Variants in CPNE5 observed in about 807,000 individuals in gnomAD.
The protein encoded by CPNE5 is copine-5.
In CPNE5, 42 loss-of-function variants were observed where a neutral mutation model predicts 81.1. The observed-to-expected ratio is 0.52, with a 90% CI of 0.40 to 0.67. The LOEUF (loss-of-function observed/expected upper bound fraction) is 0.67. Among genes scored for constraint, CPNE5 ranks in the 30% least tolerant of loss-of-function variants. The pLI is 0.00. For synonymous variants in CPNE5, 313 were observed against 321.5 expected, an observed-to-expected ratio of 0.97 and a Z score of 0.28; for missense variants, 612 against 815.5, an observed-to-expected ratio of 0.75 and a Z score of 3.04.
At chr6:36,763,602 C>CAAAAAAAAAAAAAAAAAAAAAAAA (rs55880019) in intron 11 of CPNE5, among the ~76,000 whole-genome samples, 1 of 123,148 alleles carries the variant, frequency 8.1e-6, no homozygotes, top group Admixed American at 8.3e-5. Flanking sequence ...GACTCTATCT[C>CAAAAAAAAAAAAAAAAAAAAAAAA]AAAAAAAAAA....
At chr6:36,759,877 C>T (rs1354859559) in intron 12 of CPNE5, among the ~76,000 whole-genome samples, 1 of 151,990 alleles carries the variant, frequency 6.6e-6, no homozygotes, top group East Asian at 1.9e-4. Flanking sequence ...GGGGCCAGCT[C>T]CTAGGGGCCT....
At chr6:36,779,350 T>C (rs537733038) in intron 8 of CPNE5, among the ~76,000 whole-genome samples, 1 of 152,350 alleles carries the variant, frequency 6.6e-6, no homozygotes, top group Admixed American at 6.5e-5. Context: ...TGGCAACCCC[T>C]TGATGGATGT....
At chr6:36,809,585 A>C (rs1470306192) in intron 3 of CPNE5, among the ~76,000 whole-genome samples, 1 of 152,184 alleles carries the variant, frequency 6.6e-6, no homozygotes, top group Non-Finnish European at 1.5e-5. Flanking sequence ...CAAAAACAAA[A>C]AAACAAACAA....
chr6:36,774,214 C>T (rs1334797075), intron 10 of CPNE5, among the ~76,000 whole-genome samples: 3 of 151,974 alleles, frequency 2.0e-5, no homozygotes, highest in Non-Finnish European at 4.4e-5. Flanking sequence ...CGAAACCAGT[C>T]TCTACAAAAA....
At chr6:36,800,521 A>G (rs1770011374) in intron 3 of CPNE5, among the ~76,000 whole-genome samples, 1 of 152,192 alleles carries the variant, frequency 6.6e-6, no homozygotes, top group South Asian at 2.1e-4. Context: ...TGATTCCACA[A>G]TTAGGTGTGT....
At chr6:36,815,384 T>C (rs966931518) in intron 3 of CPNE5, among the ~76,000 whole-genome samples, 11 of 152,198 alleles carry the variant, frequency 7.2e-5, no homozygotes, top group African/African-American at 2.4e-4. Flanking sequence ...GAAATTCACG[T>C]TGAAATTCTT....
At chr6:36,744,732 G>T (rs2150355596) in intron 18 of CPNE5, among the ~76,000 whole-genome samples, 1 of 152,338 alleles carries the variant, frequency 6.6e-6, no homozygotes, top group African/African-American at 2.4e-5. Context: ...GTTAATGAGG[G>T]AGTCATTGGG....
intron 1 of CPNE5, among the ~76,000 whole-genome samples, chr6:36,838,008 T>C (rs68042914): frequency 0.13 from 20,059 of 152,022 alleles, 1,558 homozygotes; most frequent in African/African-American, 0.2. Context: ...ACCTGGGAGC[T>C]ATCACAGGAG....
intron 9 of CPNE5, among the ~76,000 whole-genome samples, chr6:36,777,789 CACACA>C: frequency 7.2e-6 from 1 of 138,042 alleles, no homozygotes. Context: ...CACACACACA[CACACA>C]CACACACAAT....
chr6:36,831,047 T>G (rs1772944340), intron 1 of CPNE5, among the ~76,000 whole-genome samples: 1 of 152,016 alleles, frequency 6.6e-6, no homozygotes, highest in African/African-American at 2.4e-5. Context: ...TCTTTTTATT[T>G]TATTTATTTT....
At chr6:36,795,649 A>G (rs1020904532) in intron 6 of CPNE5, among the ~76,000 whole-genome samples, 2 of 152,236 alleles carry the variant, frequency 1.3e-5, no homozygotes, top group Non-Finnish European at 2.9e-5. Flanking sequence ...TCCTCAGAAG[A>G]CATGAACTCT....
In CPNE5 at chr6:36,798,194, G is replaced by C. The variant is rs1486437099; in HGVS notation, c.375C>G (p.Ser125=). 6.2e-7 allele frequency: 1 copy of C among 1,613,896 alleles called. No homozygotes were observed. Residue 125 remains serine (S), a synonymous_variant, in exon 6 of 21, where the codon TCC becomes TCG. Transcript: ENST00000244751. ...AFCTLGEIVG[S]PGSRLEKPLT... is the part of the protein sequence containing the mutation. ...GGGGCTTTTCCAGGCGGCTCCCAGG[G>C]GACCCCACAATCTCTCCAAGGGTGC...
chr6:36,754,903 C>T (rs1765258769), intron 13 of CPNE5: 1 of 152,178 alleles, frequency 6.6e-6, no homozygotes, highest in South Asian at 2.1e-4. Flanking sequence ...GGGTGCTAAA[C>T]ATCCTGTGAG....
At chr6:36,748,357 C>T (rs1188485450) in intron 14 of CPNE5, 90 bp from the exon 15 acceptor site, 1 of 1,171,272 alleles carries the variant, frequency 8.5e-7, no homozygotes, top group Non-Finnish European at 1.3e-6. Flanking sequence ...ACCACCCTGG[C>T]TCTGCTGCTT....
chr6:36,835,650 G>T (rs745914051), intron 1 of CPNE5, among the ~76,000 whole-genome samples: 4 of 152,102 alleles, frequency 2.6e-5, no homozygotes, highest in Non-Finnish European at 5.9e-5. Context: ...ACAAAAATTA[G>T]CCCTGTGTGG....
At chr6:36,799,066 C>T (rs1769865715) in intron 4 of CPNE5, among the ~76,000 whole-genome samples, 2 of 152,174 alleles carry the variant, frequency 1.3e-5, no homozygotes, top group African/African-American at 4.8e-5. Context: ...CTCCCCTCAC[C>T]TGGGGCCTGC....
At chr6:36,794,521 C>CT in intron 7 of CPNE5, 69 bp downstream of exon 7, 1 of 1,449,294 alleles carries the variant, frequency 6.9e-7, no homozygotes, top group South Asian at 1.2e-5. Flanking sequence ...GGCCCAGACT[C>CT]TGAGGCCCCC....
chr6:36,754,998 C>T (rs1384965421), intron 13 of CPNE5: 1 of 152,170 alleles, frequency 6.6e-6, no homozygotes, highest in Non-Finnish European at 1.5e-5. Flanking sequence ...GACTCCAAGC[C>T]CCAGTCTGTG....
chr6:36,752,934 G>A, intron 14 of CPNE5, 100 bp downstream of exon 14: 1 of 941,342 alleles, frequency 1.1e-6, no homozygotes, highest in Non-Finnish European at 1.7e-6. Context: ...TTCAACCAGG[G>A]CTTTGAAGAG....
Sources: allele counts gnomAD v4.1 joint callset (sites outside exome capture counted in the v4.1 genomes callset), GRCh38; gene constraint gnomAD v4.1.1; transcripts MANE v1.5; gene names NCBI Gene and HGNC (gene_info 2026-07-23, HGNC 2026-07-21).